The following TMTC1 variants were observed in gnomAD, a reference collection of about 807,000 sequenced individuals.
The protein encoded by TMTC1 is protein O-mannosyl-transferase TMTC1.
Under a neutral mutation model 104.8 loss-of-function variants are expected in TMTC1, and 73 were observed. The ratio of observed to expected loss-of-function variants is 0.70; its 90% confidence interval spans 0.58 to 0.85. The LOEUF is 0.85. TMTC1 is among the 40% of genes least tolerant of loss of function. The probability of loss-of-function intolerance (pLI) is 0.00; values close to 1 mark genes in which losing one functional copy is unlikely to be tolerated. For missense variants in TMTC1, 1,035 were observed against 1,096.1 expected, an observed-to-expected ratio of 0.94 and a Z score of 0.79; for synonymous variants, 434 against 428.7, an observed-to-expected ratio of 1.01 and a Z score of -0.15.
At chr12:29,609,007 A>G (rs1946774831) in intron 6 of TMTC1, among the ~76,000 whole-genome samples, 1 of 152,114 alleles carries the variant, frequency 6.6e-6, no homozygotes, top group South Asian at 2.1e-4. Context: ...GGTGTTAATA[A>G]AAACAGGGCT....
chr12:29,726,089 C>A (rs1241520433), intron 5 of TMTC1, among the ~76,000 whole-genome samples: 1 of 152,178 alleles, frequency 6.6e-6, no homozygotes, highest in African/African-American at 2.4e-5. Flanking sequence ...AATTTAAAAA[C>A]ATACACCGTG....
chr12:29,641,543 G>C (rs1938853982), intron 5 of TMTC1, among the ~76,000 whole-genome samples: 1 of 152,158 alleles, frequency 6.6e-6, no homozygotes, highest in Non-Finnish European at 1.5e-5. Flanking sequence ...AAATGGGGGA[G>C]AGTACTTCAT....
chr12:29,774,967 C>T (rs1228949758), intron 1 of TMTC1, among the ~76,000 whole-genome samples: 1 of 152,048 alleles, frequency 6.6e-6, no homozygotes, highest in Non-Finnish European at 1.5e-5. Context: ...GGAAGCTGCC[C>T]CACAGGAAAG....
chr12:29,629,033 T>C (rs1370626636), intron 6 of TMTC1, among the ~76,000 whole-genome samples: 1 of 151,488 alleles, frequency 6.6e-6, no homozygotes, highest in Non-Finnish European at 1.5e-5. Flanking sequence ...AAGCTACCTA[T>C]GATGGGCCGG....
intron 9 of TMTC1, among the ~76,000 whole-genome samples, chr12:29,563,660 C>G (rs754514444): frequency 2.0e-5 from 3 of 152,044 alleles, no homozygotes; most frequent in Non-Finnish European, 4.4e-5. Flanking sequence ...ACTGTTTGTC[C>G]TTATGGAGTT....
At chr12:29,699,124 G>C (rs186498860) in intron 5 of TMTC1, among the ~76,000 whole-genome samples, 66 of 152,288 alleles carry the variant, frequency 4.3e-4, no homozygotes, top group African/African-American at 1.6e-3. Context: ...AGGCAGAAGT[G>C]GGAGGAGAGG....
At chr12:29,666,123 T>C in intron 5 of TMTC1, 1 of 416,250 alleles carries the variant, frequency 2.4e-6, no homozygotes, top group South Asian at 1.7e-5. Flanking sequence ...CAAGTGTTAT[T>C]TGAATATTTT....
At chr12:29,681,758 G>A (rs1940928193) in intron 5 of TMTC1, among the ~76,000 whole-genome samples, 2 of 151,648 alleles carry the variant, frequency 1.3e-5, no homozygotes, top group South Asian at 4.2e-4. Flanking sequence ...AGACTTTAGA[G>A]GCATATCAAC....
intron 7 of TMTC1, among the ~76,000 whole-genome samples, chr12:29,595,402 G>A (rs1402380614): frequency 6.6e-6 from 1 of 152,164 alleles, no homozygotes; most frequent in Non-Finnish European, 1.5e-5. Context: ...TATTGTATTG[G>A]TCAGTGATCT....
At chr12:29,662,604 C>T (rs988825041) in intron 5 of TMTC1, among the ~76,000 whole-genome samples, 23 of 143,226 alleles carry the variant, frequency 1.6e-4, no homozygotes, top group African/African-American at 6.1e-4. Context: ...GAGCCGAGAT[C>T]GTGCCACTAC....
At chr12:29,693,411 T>C (rs1941321673) in intron 5 of TMTC1, among the ~76,000 whole-genome samples, 1 of 117,772 alleles carries the variant, frequency 8.5e-6, no homozygotes, top group Non-Finnish European at 1.8e-5. Context: ...AAATATATAA[T>C]AAATTACTAT....
rs1565760132 is a variant in TMTC1, at chr12:29,675,627, CACA to C, written c.939-42294_939-42292del. 2.8e-3 allele frequency among the ~76,000 whole-genome samples: 225 copies of C among 79,232 alleles called. 1 individual carries two copies. The highest frequency in any genetic ancestry group is 0.025 in the East Asian group (70 of 2,856). 52.0% of individuals were successfully genotyped at this position (79,232 alleles called of 152,430 possible). On this transcript the variant is annotated intron_variant, in intron 5 of 17. Coordinates refer to ENST00000539277, the MANE Select transcript of TMTC1 (RefSeq NM_001193451.2). Reference sequence around the variant, plus strand: ...ACACACACACACACACACACACACACACACCCTCCATGACTTTCTGTTTCTTGT... The same window carrying C: ...ACACACACACACACACACACACACACCCCTCCATGACTTTCTGTTTCTTGT...
chr12:29,577,757 T>G (rs1401387743), intron 8 of TMTC1, among the ~76,000 whole-genome samples: 3 of 152,190 alleles, frequency 2.0e-5, no homozygotes, highest in African/African-American at 7.2e-5. Context: ...CTTTCATTTA[T>G]GATACCTTTA....
At chr12:29,758,651 A>G in intron 3 of TMTC1, 53 bp downstream of exon 3, 1 of 1,545,104 alleles carries the variant, frequency 6.5e-7, no homozygotes, top group South Asian at 1.1e-5. Flanking sequence ...CTCCCAGTCT[A>G]CACACACGGC....
intron 11 of TMTC1, among the ~76,000 whole-genome samples, chr12:29,529,689 A>G (rs985294419): frequency 3.2e-4 from 48 of 152,264 alleles, no homozygotes; most frequent in African/African-American, 1.1e-3. Context: ...TGTTTTCTTT[A>G]CGAGACAGTT....
At chr12:29,698,283 C>T (rs1941483071) in intron 5 of TMTC1, among the ~76,000 whole-genome samples, 2 of 152,188 alleles carry the variant, frequency 1.3e-5, no homozygotes, top group African/African-American at 2.4e-5. Flanking sequence ...TTGCCATGAT[C>T]CCCCACTTCC....
chr12:29,644,098 T>C (rs55808205), intron 5 of TMTC1, among the ~76,000 whole-genome samples: 4 of 79,656 alleles, frequency 5.0e-5, no homozygotes, highest in Non-Finnish European at 8.8e-5. Context: ...TAAATATAAA[T>C]ATATAAATAT....
At chr12:29,601,030 G>A (rs1946551203) in intron 7 of TMTC1, among the ~76,000 whole-genome samples, 1 of 152,224 alleles carries the variant, frequency 6.6e-6, no homozygotes, top group South Asian at 2.1e-4. Flanking sequence ...TTGGTTCCGG[G>A]AGGCAGGCAC....
At chr12:29,756,901 A>G (rs977744568) in intron 3 of TMTC1, among the ~76,000 whole-genome samples, 3 of 152,188 alleles carry the variant, frequency 2.0e-5, no homozygotes, top group Non-Finnish European at 4.4e-5. Flanking sequence ...ATGCAAAACC[A>G]ATCTGTAATA....
Sources: gnomAD v4.1 joint callset for allele counts (sites outside exome capture counted in the v4.1 genomes callset) on GRCh38, gnomAD v4.1.1 for gene constraint, MANE v1.5 for transcripts, NCBI Gene and HGNC (gene_info 2026-07-23, HGNC 2026-07-21) for gene names.